The following ZNF532 variants were observed in gnomAD, a reference collection of about 807,000 sequenced individuals.
ZNF532 encodes the protein zinc finger protein 532.
A neutral mutation model predicts 89.3 loss-of-function variants in ZNF532; 22 were observed. The ratio of observed to expected loss-of-function variants is 0.25; its 90% confidence interval spans 0.18 to 0.35. The LOEUF is 0.35. Among genes scored for constraint, ZNF532 ranks in the 10% least tolerant of loss-of-function variants. ZNF532 has a pLI of 1.00. For missense variants in ZNF532, 1,132 were observed against 1,643.4 expected (o/e 0.69, Z 5.38); for synonymous variants, 606 against 649.6 (o/e 0.93, Z 1.02).
chr18:58,877,392 T>C (rs764564113), intron 2 of ZNF532, among the ~76,000 whole-genome samples: 4 of 152,222 alleles, frequency 2.6e-5, no homozygotes, highest in Admixed American at 2.0e-4. Flanking sequence ...CACTGTGTTA[T>C]ATGTTTAAAC....
chr18:58,938,653 C>T (rs181606861), intron 4 of ZNF532, among the ~76,000 whole-genome samples: 31 of 152,362 alleles, frequency 2.0e-4, no homozygotes, highest in Admixed American at 1.9e-3. Flanking sequence ...ACATTGACCA[C>T]ATCAGTGTGT....
intron 6 of ZNF532, among the ~76,000 whole-genome samples, chr18:58,948,740 A>G (rs2063888903): frequency 6.6e-6 from 1 of 151,650 alleles, no homozygotes; most frequent in African/African-American, 2.4e-5. Flanking sequence ...GCTAATTTTT[A>G]TATTTTTAGT....
chr18:58,970,418 T>G (rs1177141664), intron 7 of ZNF532, among the ~76,000 whole-genome samples: 1 of 152,210 alleles, frequency 6.6e-6, no homozygotes, highest in East Asian at 1.9e-4. Flanking sequence ...ATGGACATCT[T>G]GGGAACCAGG....
intron 2 of ZNF532, among the ~76,000 whole-genome samples, chr18:58,898,057 A>C (rs1019826791): frequency 3.3e-5 from 5 of 152,208 alleles, no homozygotes; most frequent in Admixed American, 2.0e-4. Flanking sequence ...TACATAGATC[A>C]AAAAAATAGT....
chr18:58,971,237 T>C (rs2066448580), intron 7 of ZNF532, among the ~76,000 whole-genome samples: 1 of 152,180 alleles, frequency 6.6e-6, no homozygotes, highest in South Asian at 2.1e-4. Flanking sequence ...CACGTGACAG[T>C]GATAGTGCTG....
intron 2 of ZNF532, among the ~76,000 whole-genome samples, chr18:58,914,321 C>T (rs2060458813): frequency 6.6e-6 from 1 of 152,194 alleles, no homozygotes; most frequent in South Asian, 2.1e-4. Context: ...GGTGAAAGAA[C>T]ATTATACATT....
chr18:58,868,632 C>A (rs1568200289), intron 2 of ZNF532, among the ~76,000 whole-genome samples: 2 of 152,136 alleles, frequency 1.3e-5, no homozygotes, highest in Non-Finnish European at 2.9e-5. Context: ...TTTGTCATTG[C>A]TGAGTAGTAT....
intron 8 of ZNF532, chr18:58,979,818 T>TG (rs1603349681): frequency 6.6e-6 from 1 of 152,368 alleles, no homozygotes; most frequent in South Asian, 2.1e-4. Flanking sequence ...AGTCCTCGGC[T>TG]GGGCCCTTTG....
At chr18:58,921,801 A>G (rs2061107866) in intron 3 of ZNF532, among the ~76,000 whole-genome samples, 1 of 152,246 alleles carries the variant, frequency 6.6e-6, no homozygotes, top group Non-Finnish European at 1.5e-5. Context: ...CATATTGTCC[A>G]AACTAGAAAG....
intron 2 of ZNF532, among the ~76,000 whole-genome samples, chr18:58,880,052 G>GT (rs2057761028): frequency 6.6e-6 from 1 of 152,144 alleles, no homozygotes; most frequent in South Asian, 2.1e-4. Context: ...TGAAAAAGAT[G>GT]TTTTGGTGGA....
intron 7 of ZNF532, chr18:58,954,289 A>C (rs2064525373): frequency 1.0e-6 from 1 of 987,262 alleles, no homozygotes; most frequent in Non-Finnish European, 1.2e-6. Flanking sequence ...ACTCCAAGTC[A>C]CTGAAAAATC....
chr18:58,958,795 C>T (rs1050869857), intron 7 of ZNF532, among the ~76,000 whole-genome samples: 5 of 152,184 alleles, frequency 3.3e-5, no homozygotes, highest in South Asian at 2.1e-4. Context: ...ATCAGGAGGA[C>T]GGGCGTGTCA....
chr18:58,975,710 G>GTGTT (rs1284705420), intron 7 of ZNF532, among the ~76,000 whole-genome samples: 1 of 152,222 alleles, frequency 6.6e-6, no homozygotes, highest in Non-Finnish European at 1.5e-5. Context: ...GTGTACCCAA[G>GTGTT]TGTTTATTTT....
intron 2 of ZNF532, among the ~76,000 whole-genome samples, chr18:58,899,930 T>C (rs1237899634): frequency 6.6e-6 from 1 of 152,248 alleles, no homozygotes; most frequent in Non-Finnish European, 1.5e-5. Context: ...TTATTTCAGT[T>C]ATTAATATTT....
chr18:58,880,335 A>C (rs1411725382), intron 2 of ZNF532, among the ~76,000 whole-genome samples: 1 of 152,218 alleles, frequency 6.6e-6, no homozygotes, highest in African/African-American at 2.4e-5. Context: ...GCCTCAGAGC[A>C]GTGCCGAAAA....
At chr18:58,878,688 C>G (rs577348387) in intron 2 of ZNF532, among the ~76,000 whole-genome samples, 1 of 152,194 alleles carries the variant, frequency 6.6e-6, no homozygotes, top group African/African-American at 2.4e-5. Context: ...AAAGTTCATA[C>G]GAGAAGGCTC....
chr18:58,911,792 A>G (rs1055109415), intron 2 of ZNF532, among the ~76,000 whole-genome samples: 3 of 152,240 alleles, frequency 2.0e-5, no homozygotes, highest in African/African-American at 7.2e-5. Flanking sequence ...GTGGAGGGCT[A>G]CAGGCACGCC....
chr18:58,927,417 G>T (rs2061613400), intron 3 of ZNF532, among the ~76,000 whole-genome samples: 1 of 151,948 alleles, frequency 6.6e-6, no homozygotes, highest in Non-Finnish European at 1.5e-5. Flanking sequence ...TTTCTTGGTG[G>T]TCGGCTACAG....
chr18:58,927,791 G>T (rs566199161), intron 3 of ZNF532, among the ~76,000 whole-genome samples: 2 of 152,204 alleles, frequency 1.3e-5, no homozygotes, highest in African/African-American at 4.8e-5. Context: ...GTGCTCTGCC[G>T]GAGACTTTCA....
Sources: gnomAD v4.1 joint callset for allele counts (sites outside exome capture counted in the v4.1 genomes callset) on GRCh38, gnomAD v4.1.1 for gene constraint, MANE v1.5 for transcripts, NCBI Gene and HGNC (gene_info 2026-07-23, HGNC 2026-07-21) for gene names.